Variants in SHANK2 observed in about 807,000 individuals in gnomAD.
SHANK2 encodes the protein SH3 and multiple ankyrin repeat domains 2.
A neutral mutation model predicts 133.7 loss-of-function variants in SHANK2; 43 were observed. That is an observed-to-expected ratio of 0.32 (90% confidence interval 0.25 to 0.41). The LOEUF (loss-of-function observed/expected upper bound fraction) is 0.41, where lower values mean the gene tolerates loss of function less well. Among genes scored for constraint, SHANK2 ranks in the 10% least tolerant of loss-of-function variants. The pLI is 1.00. For missense variants in SHANK2, 1,994 were observed against 2,235.8 expected, an observed-to-expected ratio of 0.89 and a Z score of 2.18; for synonymous variants, 1,017 against 952.8, an observed-to-expected ratio of 1.07 and a Z score of -1.24.
chr11:71,219,031 T>C (rs1297811045), intron 2 of SHANK2, among the ~76,000 whole-genome samples: 1 of 152,114 alleles, frequency 6.6e-6, no homozygotes, highest in East Asian at 1.9e-4. Context: ...TACCCAAGGC[T>C]CTGTGGGCAA....
chr11:70,813,721 C>T (rs1420011418), intron 12 of SHANK2, among the ~76,000 whole-genome samples: 3 of 152,126 alleles, frequency 2.0e-5, no homozygotes, highest in Non-Finnish European at 4.4e-5. Context: ...ATGCTATTGG[C>T]TGACAGTTGT....
intron 14 of SHANK2, among the ~76,000 whole-genome samples, chr11:70,747,687 AC>A (rs1282516398): frequency 1.3e-5 from 2 of 152,236 alleles, no homozygotes; most frequent in African/African-American, 4.8e-5. Context: ...ATGTGTGTGC[AC>A]ATGAGTATGT....
chr11:70,502,338 A>G, intron 18 of SHANK2, 52 bp from the exon 19 acceptor site: 2 of 1,515,802 alleles, frequency 1.3e-6, no homozygotes. Context: ...GTTTCCAGAT[A>G]TGGGAATAAG....
chr11:71,116,791 T>C (rs976091133), intron 4 of SHANK2, among the ~76,000 whole-genome samples: 3 of 152,082 alleles, frequency 2.0e-5, no homozygotes, highest in Non-Finnish European at 4.4e-5. Flanking sequence ...CCCATGGTAG[T>C]CAGTCAATTC....
At position 70,746,997 on chromosome 11, in the gene SHANK2, C is replaced by T. The variant is rs545292822; in HGVS notation, c.1778-48234G>A. Among the ~76,000 whole-genome samples the T allele has an allele frequency of 3.4e-5, 5 of 148,592 alleles. No individual in the cohort carries two copies. In the South Asian group the frequency reaches 8.9e-4, roughly 26 times the overall value. On this transcript the variant is annotated intron_variant, in intron 14 of 25. Transcript: ENST00000601538. ...CTCCCCTCCCTCCATCCCTGCACCC[C>T]CCTACCCCTGTACTCCCCTCCCTCC...
At chr11:70,648,490 T>A (rs1488011416) in intron 17 of SHANK2, among the ~76,000 whole-genome samples, 1 of 152,230 alleles carries the variant, frequency 6.6e-6, no homozygotes, top group Non-Finnish European at 1.5e-5. Flanking sequence ...ATTTTATTTG[T>A]GTCTGACATG....
intron 4 of SHANK2, among the ~76,000 whole-genome samples, chr11:71,117,426 G>A (rs1951998337): frequency 1.3e-5 from 2 of 152,148 alleles, no homozygotes; most frequent in African/African-American, 4.8e-5. Context: ...TAAAACCTTT[G>A]TACTGTCCTC....
intron 14 of SHANK2, among the ~76,000 whole-genome samples, chr11:70,702,376 ACAC>A (rs781887179): frequency 2.2e-5 from 3 of 134,238 alleles, no homozygotes; most frequent in Non-Finnish European, 3.2e-5. Context: ...ATCACCACCA[ACAC>A]CACCACCATC....
intron 14 of SHANK2, among the ~76,000 whole-genome samples, chr11:70,742,633 C>A (rs1946553333): frequency 1.3e-5 from 2 of 152,202 alleles, no homozygotes; most frequent in African/African-American, 4.8e-5. Context: ...CCCCGCATGA[C>A]AGAGAGGCAG....
chr11:70,680,144 G>A (rs1309115832), intron 15 of SHANK2, among the ~76,000 whole-genome samples: 7 of 152,130 alleles, frequency 4.6e-5, no homozygotes, highest in Non-Finnish European at 7.4e-5. Context: ...TGGGGCCATC[G>A]CACCCCATCC....
chr11:70,923,477 A>G (rs1950379537), intron 10 of SHANK2, among the ~76,000 whole-genome samples: 1 of 152,148 alleles, frequency 6.6e-6, no homozygotes, highest in African/African-American at 2.4e-5. Flanking sequence ...CCTGACCTCA[A>G]GTGATCCGCC....
intron 17 of SHANK2, among the ~76,000 whole-genome samples, chr11:70,625,482 C>T (rs1457027520): frequency 6.6e-6 from 1 of 152,136 alleles, no homozygotes; most frequent in African/African-American, 2.4e-5. Flanking sequence ...CCCAGGCAAA[C>T]AGAGACACAT....
intron 17 of SHANK2, among the ~76,000 whole-genome samples, chr11:70,593,147 G>A (rs1216965144): frequency 2.0e-5 from 3 of 152,148 alleles, no homozygotes; most frequent in Non-Finnish European, 4.4e-5. Flanking sequence ...AACGCACACT[G>A]TCCCAGCACG....
intron 11 of SHANK2, among the ~76,000 whole-genome samples, chr11:70,868,630 T>C (rs2135531728): frequency 6.6e-6 from 1 of 152,278 alleles, no homozygotes; most frequent in Admixed American, 6.5e-5. Context: ...CTGGGCCATG[T>C]CCACATCTTA....
At chr11:70,659,036 C>T (rs2061447018) in intron 17 of SHANK2, among the ~76,000 whole-genome samples, 1 of 152,140 alleles carries the variant, frequency 6.6e-6, no homozygotes, top group Non-Finnish European at 1.5e-5. Flanking sequence ...TTCCTACTTC[C>T]AAAGAGTCAC....
intron 14 of SHANK2, among the ~76,000 whole-genome samples, chr11:70,707,321 G>A (rs111465267): frequency 0.028 from 3,950 of 141,374 alleles, 172 homozygotes; most frequent in African/African-American, 0.099. Flanking sequence ...GCAGTGAGCC[G>A]AGATTGTGCC....
chr11:70,559,151 T>C (rs1347691499), intron 17 of SHANK2, among the ~76,000 whole-genome samples: 1 of 152,100 alleles, frequency 6.6e-6, no homozygotes, highest in Non-Finnish European at 1.5e-5. Context: ...CCTGAGTCGC[T>C]GGGATTACAG....
At chr11:71,222,283 T>A (rs1326845182) in intron 2 of SHANK2, among the ~76,000 whole-genome samples, 2 of 152,212 alleles carry the variant, frequency 1.3e-5, no homozygotes, top group African/African-American at 4.8e-5. Flanking sequence ...ACTCCCAGCC[T>A]TCGTGAGTTG....
intron 6 of SHANK2, among the ~76,000 whole-genome samples, chr11:71,095,845 T>C (rs1217879012): frequency 1.3e-5 from 2 of 152,120 alleles, no homozygotes; most frequent in African/African-American, 2.4e-5. Context: ...AGGAGTGTGC[T>C]GTGTGTAGAC....
Sources: allele counts gnomAD v4.1 joint callset (sites outside exome capture counted in the v4.1 genomes callset), GRCh38; gene constraint gnomAD v4.1.1; transcripts MANE v1.5; gene names NCBI Gene and HGNC (gene_info 2026-07-23, HGNC 2026-07-21).